NXPH2: variants seen among roughly 807,000 people sequenced by gnomAD.
The protein encoded by NXPH2 is neurexophilin 2.
Under a neutral mutation model 19.8 loss-of-function variants are expected in NXPH2, and 5 were observed. The observed-to-expected ratio is 0.25, with a 90% confidence interval of 0.13 to 0.53. The LOEUF (loss-of-function observed/expected upper bound fraction) is 0.53, where lower values mean the gene tolerates loss of function less well. Among genes scored for constraint, NXPH2 ranks in the 20% least tolerant of loss-of-function variants. The pLI is 0.96. For missense variants in NXPH2, 289 were observed against 322.8 expected (o/e 0.90, Z 0.80); for synonymous variants, 154 against 127.4 (o/e 1.21, Z -1.41).
At chr2:138,750,164 A>G (rs955257003) in intron 1 of NXPH2, among the ~76,000 whole-genome samples, 2 of 152,174 alleles carry the variant, frequency 1.3e-5, no homozygotes, top group Non-Finnish European at 2.9e-5. Flanking sequence ...TTTACTTCCA[A>G]AATACAAGTC....
At chr2:138,704,581 G>A (rs919329593) in intron 1 of NXPH2, among the ~76,000 whole-genome samples, 1 of 152,126 alleles carries the variant, frequency 6.6e-6, no homozygotes, top group Admixed American at 6.6e-5. Flanking sequence ...AGAAGGAGGG[G>A]AACTGGGAGC....
intron 1 of NXPH2, among the ~76,000 whole-genome samples, chr2:138,754,983 A>G (rs1681884840): frequency 6.6e-6 from 1 of 152,186 alleles, no homozygotes; most frequent in Non-Finnish European, 1.5e-5. Context: ...AAGCATCTTT[A>G]CATATGTTTA....
intron 1 of NXPH2, among the ~76,000 whole-genome samples, chr2:138,747,270 A>T (rs948471884): frequency 6.6e-6 from 1 of 152,162 alleles, no homozygotes; most frequent in Non-Finnish European, 1.5e-5. Flanking sequence ...GCCCTTGCCC[A>T]GTGAACCTTG....
chr2:138,741,360 C>T (rs1166688504), intron 1 of NXPH2, among the ~76,000 whole-genome samples: 2 of 152,196 alleles, frequency 1.3e-5, no homozygotes, highest in African/African-American at 2.4e-5. Context: ...ACACGAGGAG[C>T]TCAGAAATGC....
intron 1 of NXPH2, among the ~76,000 whole-genome samples, chr2:138,722,761 T>G (rs886783027): frequency 1.3e-5 from 2 of 152,192 alleles, no homozygotes; most frequent in African/African-American, 4.8e-5. Flanking sequence ...ATTGCCAAGG[T>G]GTGATCTTTG....
chr2:138,738,776 C>T (rs546334988), intron 1 of NXPH2, among the ~76,000 whole-genome samples: 1 of 152,328 alleles, frequency 6.6e-6, no homozygotes, highest in South Asian at 2.1e-4. Context: ...CTGGTTAATG[C>T]CACATGCAGA....
intron 1 of NXPH2, among the ~76,000 whole-genome samples, chr2:138,680,591 C>T (rs1161950549): frequency 6.6e-6 from 1 of 152,170 alleles, no homozygotes; most frequent in African/African-American, 2.4e-5. Context: ...GGTCCCATCT[C>T]TTGTTCTCTC....
At chr2:138,747,115 T>C (rs556330947) in intron 1 of NXPH2, among the ~76,000 whole-genome samples, 1 of 152,298 alleles carries the variant, frequency 6.6e-6, no homozygotes, top group East Asian at 1.9e-4. Context: ...TGATGGACGT[T>C]TAGGTCATTC....
At chr2:138,682,838 C>T (rs984734137) in intron 1 of NXPH2, among the ~76,000 whole-genome samples, 1 of 152,146 alleles carries the variant, frequency 6.6e-6, no homozygotes. Flanking sequence ...ATCAGTGACA[C>T]CAACCTCTGC....
Position 138,717,264 on chromosome 2 carries a change from G to A in NXPH2, c.52-45599C>T, listed in dbSNP as rs1573964963. Among the ~76,000 whole-genome samples the A allele has an allele frequency of 2.6e-5, 4 of 152,156 alleles. No homozygotes were observed. The East Asian group carries it at 5.8e-4, about 22-fold the overall frequency. Reference sequence around the variant, plus strand: ...TATGACCCTGTAGCAACATTCCTATGGCTTTATCCCACATGAGAATCACCT... The same window carrying A: ...TATGACCCTGTAGCAACATTCCTATAGCTTTATCCCACATGAGAATCACCT... On this transcript the variant is annotated intron_variant, in intron 1 of 1. Transcript: ENST00000272641.
intron 1 of NXPH2, among the ~76,000 whole-genome samples, chr2:138,779,872 T>C (rs1431243429): frequency 6.6e-6 from 1 of 152,120 alleles, no homozygotes; most frequent in African/African-American, 2.4e-5. Flanking sequence ...CAATTTACTT[T>C]CCTTCCTCTC....
chr2:138,763,137 T>A (rs1682043828), intron 1 of NXPH2, among the ~76,000 whole-genome samples: 1 of 152,188 alleles, frequency 6.6e-6, no homozygotes, highest in Admixed American at 6.5e-5. Flanking sequence ...AATTAAGTTA[T>A]ACTAAGAAAG....
chr2:138,698,015 A>G (rs968718519), intron 1 of NXPH2, among the ~76,000 whole-genome samples: 1 of 152,098 alleles, frequency 6.6e-6, no homozygotes, highest in Non-Finnish European at 1.5e-5. Context: ...TGCACCAAAA[A>G]ACCTTAAAGT....
chr2:138,700,931 G>T (rs1392275183), intron 1 of NXPH2, among the ~76,000 whole-genome samples: 1 of 152,088 alleles, frequency 6.6e-6, no homozygotes, highest in African/African-American at 2.4e-5. Flanking sequence ...TGAGCAAGAC[G>T]TGGTGCTGGA....
At chr2:138,707,094 C>CAGAAAAAAAAAA (rs1681027657) in intron 1 of NXPH2, among the ~76,000 whole-genome samples, 1 of 34,840 alleles carries the variant, frequency 2.9e-5, no homozygotes, top group Non-Finnish European at 5.7e-5. Flanking sequence ...TGCCCCATGA[C>CAGAAAAAAAAAA]AAAAAAAAAA....
At chr2:138,738,306 T>A (rs2105004448) in intron 1 of NXPH2, among the ~76,000 whole-genome samples, 1 of 152,296 alleles carries the variant, frequency 6.6e-6, no homozygotes, top group East Asian at 1.9e-4. Context: ...GGAGGTATAC[T>A]GGTAATTAAA....
intron 1 of NXPH2, among the ~76,000 whole-genome samples, chr2:138,672,524 A>G (rs1319556331): frequency 6.6e-6 from 1 of 152,106 alleles, no homozygotes; most frequent in East Asian, 1.9e-4. Flanking sequence ...ACTAAAAATA[A>G]TTTAGTTAAG....
intron 1 of NXPH2, among the ~76,000 whole-genome samples, chr2:138,686,471 T>G (rs1396672121): frequency 6.6e-6 from 1 of 152,200 alleles, no homozygotes; most frequent in Non-Finnish European, 1.5e-5. Context: ...GATGTCTTTT[T>G]TTTTGTCTTT....
In NXPH2 at chr2:138,739,765, C is replaced by A. The variant is rs187639932; in HGVS notation, c.51+40426G>T. The stretch of plus-strand genomic sequence containing the variant: ...AGCAATAGTGAAGCTATCTCAGGTT[C>A]ATTTTTTGGAATGAAGTAAGGTCTG... On this transcript the variant is annotated intron_variant, in intron 1 of 1. Transcript: ENST00000272641. 2.4e-3 allele frequency among the ~76,000 whole-genome samples: 371 copies of A among 152,162 alleles called. 1 individual carries two copies. Among genetic ancestry groups the A allele is most frequent in the African/African-American group, 8.4e-3 (349 of 41,498 alleles).
Sources: gnomAD v4.1 joint callset for allele counts (sites outside exome capture counted in the v4.1 genomes callset) on GRCh38, gnomAD v4.1.1 for gene constraint, MANE v1.5 for transcripts, NCBI Gene and HGNC (gene_info 2026-07-23, HGNC 2026-07-21) for gene names.